Variants in GLI2 observed in about 807,000 individuals in gnomAD.
GLI2 encodes the protein GLI family zinc finger 2.
A neutral mutation model predicts 78.9 loss-of-function variants in GLI2; 22 were observed. The observed-to-expected ratio is 0.28, with a 90% CI of 0.20 to 0.40. The LOEUF is 0.40. Among genes scored for constraint, GLI2 ranks in the 10% least tolerant of loss-of-function variants. The pLI is 1.00. For synonymous variants in GLI2, 974 were observed against 963.7 expected (o/e 1.01, Z -0.20); for missense variants, 2,097 against 2,213.2 (o/e 0.95, Z 1.05).
chr2:120,810,748 C>T (rs974178592), intron 2 of GLI2, among the ~76,000 whole-genome samples: 2 of 152,234 alleles, frequency 1.3e-5, no homozygotes, highest in Admixed American at 6.5e-5. Context: ...AGCTACGTGG[C>T]GTTCTGGTCC....
intron 2 of GLI2, among the ~76,000 whole-genome samples, chr2:120,895,091 G>A (rs897138465): frequency 2.0e-5 from 3 of 152,218 alleles, no homozygotes; most frequent in African/African-American, 4.8e-5. Context: ...GGAGGCTTGG[G>A]CCACCAGGCT....
At chr2:120,968,536 A>G (rs1681968841) in intron 5 of GLI2, among the ~76,000 whole-genome samples, 178 bp from the exon 6 acceptor site, 2 of 152,170 alleles carry the variant, frequency 1.3e-5, no homozygotes, top group African/African-American at 2.4e-5. Context: ...CATTTTACAG[A>G]TCAACAAACT....
intron 1 of GLI2, among the ~76,000 whole-genome samples, chr2:120,761,247 G>A (rs921882532): frequency 6.6e-6 from 1 of 152,184 alleles, no homozygotes; most frequent in Non-Finnish European, 1.5e-5. Context: ...CCCAGGGATG[G>A]GGACATATGG....
intron 1 of GLI2, among the ~76,000 whole-genome samples, chr2:120,774,454 C>T (rs1351317581): frequency 6.6e-6 from 1 of 152,274 alleles, no homozygotes; most frequent in East Asian, 1.9e-4. Context: ...TCTCAAAAAA[C>T]CCTATACCCA....
rs558445244 is a variant in GLI2 at position 120,992,621 on chromosome 2, C to T, written c.*1946C>T. 33 of 152,266 alleles carry T rather than the reference C, an allele frequency of 2.2e-4. No homozygotes were observed. The highest frequency in any genetic ancestry group is 7.7e-4 in the African/African-American group (32 of 41,548). 9.4% of individuals were successfully genotyped at this position (152,266 alleles called of 1,614,324 possible). ...TTAACAGTGTCAAAATTGACTATCC[C>T]GCCTTTGCCAAGAAATGTTTAATGC... On this transcript the variant is annotated 3_prime_UTR_variant, in exon 14 of 14. Transcript: ENST00000361492.
At chr2:120,984,832 A>G (rs1682896993) in intron 12 of GLI2, 89 bp downstream of exon 12, 11 of 1,383,420 alleles carry the variant, frequency 8.0e-6, no homozygotes, top group African/African-American at 4.3e-5. Context: ...GCTCTGCCCT[A>G]AGGCCCCCCT....
intron 2 of GLI2, among the ~76,000 whole-genome samples, chr2:120,841,423 C>T (rs1686863547): frequency 6.6e-6 from 1 of 152,218 alleles, no homozygotes; most frequent in Non-Finnish European, 1.5e-5. Flanking sequence ...CTGCACGCTG[C>T]TCTGCTGTGT....
intron 1 of GLI2, among the ~76,000 whole-genome samples, chr2:120,774,841 C>T (rs145475147): frequency 2.0e-5 from 3 of 152,222 alleles, no homozygotes; most frequent in South Asian, 2.1e-4. Flanking sequence ...TGCCTGAGAC[C>T]TTTGCTTCCT....
intron 1 of GLI2, among the ~76,000 whole-genome samples, chr2:120,761,885 G>A (rs982493430): frequency 7.2e-5 from 11 of 152,274 alleles, no homozygotes; most frequent in Non-Finnish European, 1.5e-4. Flanking sequence ...GGGAGGTTCT[G>A]CACCCTCTTG....
intron 2 of GLI2, among the ~76,000 whole-genome samples, chr2:120,827,393 G>A (rs1686128906): frequency 6.6e-6 from 1 of 152,244 alleles, no homozygotes; most frequent in Non-Finnish European, 1.5e-5. Flanking sequence ...CAGAACAGGT[G>A]CTGGTGAGGA....
intron 1 of GLI2, among the ~76,000 whole-genome samples, chr2:120,791,589 A>G (rs1010275050): frequency 1.3e-5 from 2 of 152,226 alleles, no homozygotes; most frequent in Non-Finnish European, 2.9e-5. Context: ...TCTGTGATCA[A>G]GGCAGGGCAC....
chr2:120,828,067 A>C (rs889482090), intron 2 of GLI2, among the ~76,000 whole-genome samples: 1 of 152,266 alleles, frequency 6.6e-6, no homozygotes, highest in African/African-American at 2.4e-5. Flanking sequence ...CAAGTTTAGA[A>C]AATGAAATTA....
At chr2:120,896,696 T>TACACACAC (rs70954513) in intron 2 of GLI2, among the ~76,000 whole-genome samples, 103 of 128,900 alleles carry the variant, frequency 8.0e-4, no homozygotes, top group African/African-American at 1.7e-3. Context: ...CACACACCCA[T>TACACACAC]ACACACACAC....
At chr2:120,921,974 C>T (rs1047584400) in intron 2 of GLI2, among the ~76,000 whole-genome samples, 18 of 152,222 alleles carry the variant, frequency 1.2e-4, no homozygotes, top group African/African-American at 3.9e-4. Flanking sequence ...GACTTACCTC[C>T]GTGCCTCATC....
At chr2:120,740,286 G>A (rs1463272116) in intron 1 of GLI2, among the ~76,000 whole-genome samples, 1 of 152,142 alleles carries the variant, frequency 6.6e-6, no homozygotes, top group East Asian at 1.9e-4. Context: ...CAATAATCCT[G>A]TTTGTGTTGT....
At position 120,990,084 on chromosome 2, in the gene GLI2, G is replaced by T; in HGVS notation, c.4119G>T (p.Gln1373His). The stretch of plus-strand genomic sequence containing the variant: ...GCCACCGTGGGGTACGTGCTGTGCA[G>T]CAGCAGCTGGCCTACGCCAGGGCCA... ...TGRHRGVRAVQQQLAYARATG... is the reference protein window; with the variant it reads ...TGRHRGVRAVHQQLAYARATG... Residue 1373 changes from glutamine (Q) to histidine (H), a missense_variant, in exon 14 of 14, where the codon CAG becomes CAT. By Grantham distance (24) the Gln-to-His change is conservative. Transcript: ENST00000361492. 6.3e-7 allele frequency: 1 copy of T among 1,598,124 alleles called. No homozygotes were observed.
chr2:120,753,878 T>G (rs1237931592), intron 1 of GLI2, among the ~76,000 whole-genome samples: 1 of 145,636 alleles, frequency 6.9e-6, no homozygotes, highest in Non-Finnish European at 1.5e-5. Context: ...ATCGCGCCAC[T>G]GCACTCCAGC....
chr2:120,918,733 G>A (rs370110737), intron 2 of GLI2, among the ~76,000 whole-genome samples: 1 of 152,200 alleles, frequency 6.6e-6, no homozygotes, highest in Non-Finnish European at 1.5e-5. Context: ...GAGCCACTGC[G>A]CCCAGCCCAC....
At chr2:120,895,104 G>A (rs1035669665) in intron 2 of GLI2, among the ~76,000 whole-genome samples, 1 of 152,210 alleles carries the variant, frequency 6.6e-6, no homozygotes, top group African/African-American at 2.4e-5. Context: ...ACCAGGCTGT[G>A]GACACTGCAT....
Sources: allele counts gnomAD v4.1 joint callset (sites outside exome capture counted in the v4.1 genomes callset), GRCh38; gene constraint gnomAD v4.1.1; transcripts MANE v1.5; gene names NCBI Gene and HGNC (gene_info 2026-07-23, HGNC 2026-07-21).